The following RGSL1 variants were observed in gnomAD, a reference collection of about 807,000 sequenced individuals.
RGSL1 encodes the protein regulator of G protein signaling protein-like.
In RGSL1, 97 loss-of-function variants were observed where a neutral mutation model predicts 124.7. The observed-to-expected ratio is 0.78, with a 90% CI of 0.66 to 0.92. The LOEUF (loss-of-function observed/expected upper bound fraction) is 0.92. RGSL1 is among the 40% of genes least tolerant of loss of function. The pLI is 0.00. For synonymous variants in RGSL1, 424 were observed against 438.1 expected (o/e 0.97, Z 0.40); for missense variants, 1,233 against 1,288.4 (o/e 0.96, Z 0.66).
intron 20 of RGSL1, 59 bp downstream of exon 20, chr1:182,554,752 A>G (rs1468534694): frequency 2.0e-6 from 3 of 1,493,016 alleles, no homozygotes; most frequent in Non-Finnish European, 2.7e-6. Flanking sequence ...CAAGCATGCA[A>G]TAGGAGATGG....
At chr1:182,460,968 A>G (rs1409746379) in intron 4 of RGSL1, among the ~76,000 whole-genome samples, 1 of 152,154 alleles carries the variant, frequency 6.6e-6, no homozygotes, top group African/African-American at 2.4e-5. Flanking sequence ...TTGTCTTCCA[A>G]ATATTAAGGA....
chr1:182,508,135 C>G (rs760784083), intron 9 of RGSL1, among the ~76,000 whole-genome samples: 10 of 152,106 alleles, frequency 6.6e-5, no homozygotes, highest in Admixed American at 1.3e-4. Flanking sequence ...TACTAATTTA[C>G]ATTCCTACCG....
chr1:182,453,786 T>C (rs747869529), intron 1 of RGSL1, among the ~76,000 whole-genome samples, 172 bp from the exon 2 acceptor site: 1 of 152,124 alleles, frequency 6.6e-6, no homozygotes, highest in Non-Finnish European at 1.5e-5. Context: ...CAGAACGATA[T>C]TGAAAAAGAG....
At chr1:182,461,442 CA>C (rs1230882577) in intron 4 of RGSL1, among the ~76,000 whole-genome samples, 2 of 148,916 alleles carry the variant, frequency 1.3e-5, no homozygotes, top group African/African-American at 2.5e-5. Context: ...CAGTTTTTAA[CA>C]AAAAAAAATC....
rs912580133 is a variant in RGSL1 at position 182,459,920 on chromosome 1, G to A, written c.172-84G>A. ...TGGCCAGACACTGCAAGTGTGAGGT[G>A]ATTAGTTGCCACTTACTAAGTTGTA... is the stretch of plus-strand genomic sequence containing the variant. On this transcript the variant is annotated intron_variant, in intron 3 of 21. Transcript: ENST00000294854. 6 of 1,478,642 alleles carry A rather than the reference G, an allele frequency of 4.1e-6. No homozygotes were observed. In the African/African-American group the frequency reaches 8.4e-5, roughly 21 times the overall value. The allele number at this position is 1,478,642 out of a possible 1,614,324, so 91.6% of individuals were successfully genotyped here.
chr1:182,448,143 G>A (rs1651584987), upstream of RGSL1: 1 of 152,254 alleles, frequency 6.6e-6, no homozygotes, highest in South Asian at 2.1e-4. Flanking sequence ...ATCAGATCTA[G>A]TAAATGTCAG....
chr1:182,543,645 G>T (rs1268274543), intron 15 of RGSL1, among the ~76,000 whole-genome samples: 1 of 151,958 alleles, frequency 6.6e-6, no homozygotes, highest in African/African-American at 2.4e-5. Flanking sequence ...TAAATTTTTG[G>T]TAGAATTAAT....
rs983788233 is a variant in RGSL1 at position 182,474,264 on chromosome 1, C to T, written c.1153C>T (p.Arg385Trp). 2.2e-5 allele frequency: 34 copies of T among 1,551,666 alleles called. No homozygotes were observed. The Admixed American group carries it at 4.3e-4, about 20-fold the overall frequency. ...TGATGCCTGTGCAGGGAACCCTTTC[C>T]GGGACCACCTGAAGAAGCTGAATTT... ...CADACAGNPF[R>W]DHLKKLNLKV... Residue 385 changes from arginine to tryptophan, a missense_variant, in exon 6 of 22, where the codon CGG (arginine) becomes TGG (tryptophan). Transcript: ENST00000294854.
In RGSL1 at chr1:182,538,114, C is replaced by G. The variant is rs80269259; in HGVS notation, c.2495-2133C>G. 3.4e-3 allele frequency among the ~76,000 whole-genome samples: 518 copies of G among 152,308 alleles called. 9 individuals are homozygous for G. The highest frequency in any genetic ancestry group is 0.012 in the African/African-American group (501 of 41,558). On this transcript the variant is annotated intron_variant, in intron 14 of 21. Transcript: ENST00000294854. ...GTGATCACTGTCCTTAATTCTCTGA[C>G]AGTCAGTGTCTTAAAAACTGTTTCA...
chr1:182,496,751 A>G (rs1655942702), intron 9 of RGSL1, among the ~76,000 whole-genome samples: 1 of 152,206 alleles, frequency 6.6e-6, no homozygotes, highest in African/African-American at 2.4e-5. Flanking sequence ...GTGTGAAATA[A>G]TGCTGTTTCT....
chr1:182,516,135 T>TAGAC (rs1657876872), intron 9 of RGSL1, among the ~76,000 whole-genome samples: 1 of 152,082 alleles, frequency 6.6e-6, no homozygotes, highest in Non-Finnish European at 1.5e-5. Flanking sequence ...ATGTGACGGG[T>TAGAC]AGACCTCCGT....
intron 15 of RGSL1, among the ~76,000 whole-genome samples, chr1:182,541,586 T>C (rs1330228198): frequency 1.3e-5 from 2 of 152,180 alleles, no homozygotes; most frequent in African/African-American, 4.8e-5. Flanking sequence ...CCTTTGGATA[T>C]ATACCCAGTA....
rs894388472 is a variant in RGSL1 at position 182,500,586 on chromosome 1, A to G, written c.1825+7457A>G. Among the ~76,000 whole-genome samples, 4 of 152,296 alleles carry G rather than the reference A, an allele frequency of 2.6e-5. No homozygotes were observed. In the South Asian group the frequency reaches 6.2e-4, roughly 24 times the overall value. On this transcript the variant is annotated intron_variant, in intron 9 of 21. Transcript: ENST00000294854. ...AATTGAGATTGTACTGAATCTATAG[A>G]TCATTTTGGGTAGCATCGCCATATT... is the stretch of plus-strand genomic sequence containing the variant.
In RGSL1 at chr1:182,521,732, C is replaced by T. The variant is rs796371551; in HGVS notation, c.1826-272C>T. 3.9e-5 allele frequency among the ~76,000 whole-genome samples: 6 copies of T among 152,220 alleles called. 1 individual carries two copies. The highest frequency in any genetic ancestry group is 1.2e-4 in the African/African-American group (5 of 41,524). On this transcript the variant is annotated intron_variant, in intron 9 of 21. Transcript: ENST00000294854. ...TGACATTTGACATTAACTAATGTAA[C>T]GAGGAGAGAGGCAATCTCTCTGAGG... is the stretch of plus-strand genomic sequence containing the variant.
At chr1:182,523,687 C>A (rs1024386807) in intron 10 of RGSL1, among the ~76,000 whole-genome samples, 2 of 152,122 alleles carry the variant, frequency 1.3e-5, no homozygotes, top group African/African-American at 4.8e-5. Flanking sequence ...TCTCTTAAAC[C>A]TTTTCCCTAC....
intron 9 of RGSL1, among the ~76,000 whole-genome samples, chr1:182,520,218 G>A (rs1008307956): frequency 6.6e-6 from 1 of 152,112 alleles, no homozygotes; most frequent in Non-Finnish European, 1.5e-5. Flanking sequence ...AATTTACTCA[G>A]GGATTAAGTT....
intron 14 of RGSL1, 94 bp downstream of exon 14, chr1:182,532,885 G>A: frequency 7.3e-7 from 1 of 1,368,092 alleles, no homozygotes; most frequent in African/African-American, 1.5e-5. Context: ...TGTCATGCCT[G>A]CGGCAGCCTG....
chr1:182,521,245 T>C lies in RGSL1; in HGVS notation c.1826-759T>C, dbSNP rs551598946. Among the ~76,000 whole-genome samples, 14 of 152,278 alleles carry C rather than the reference T, an allele frequency of 9.2e-5. No individual in the cohort carries two copies. In the East Asian group the frequency reaches 1.9e-3, roughly 21 times the overall value. On this transcript the variant is annotated intron_variant, in intron 9 of 21. Coordinates refer to ENST00000294854, the MANE Select transcript of RGSL1 (RefSeq NM_001137669.2). ...CTACCACACCCAGTTAATTTTTAAA[T>C]TTTCTTGTAGAGATGGAGTCTCACT...
At chr1:182,556,595 GGGCAGTAAAT>G (rs1319966602) in intron 21 of RGSL1, among the ~76,000 whole-genome samples, 1 of 152,040 alleles carries the variant, frequency 6.6e-6, no homozygotes, top group Non-Finnish European at 1.5e-5. Flanking sequence ...TAAGATTACT[GGGCAGTAAAT>G]GGCAGCATCT....
Sources: gnomAD v4.1 joint callset for allele counts (sites outside exome capture counted in the v4.1 genomes callset) on GRCh38, gnomAD v4.1.1 for gene constraint, MANE v1.5 for transcripts, NCBI Gene and HGNC (gene_info 2026-07-23, HGNC 2026-07-21) for gene names.